Variants in CADM2 observed in about 807,000 individuals in gnomAD.
CADM2 encodes the protein cell adhesion molecule 2.
CADM2 carries 12 observed loss-of-function variants against 49.8 expected under a neutral mutation model. The ratio of observed to expected loss-of-function variants is 0.24; its 90% CI spans 0.15 to 0.39. CADM2 has a LOEUF of 0.39. Ranked by LOEUF, CADM2 falls within the 10% of genes least tolerant of loss-of-function variation. CADM2 has a pLI of 1.00. For synonymous variants in CADM2, 214 were observed against 175.4 expected (o/e 1.22, Z -1.74); for missense variants, 378 against 492.3 (o/e 0.77, Z 2.20).
chr3:85,150,717 A>G (rs1272733409), intron 1 of CADM2, among the ~76,000 whole-genome samples: 2 of 151,654 alleles, frequency 1.3e-5, no homozygotes, highest in Admixed American at 1.3e-4. Context: ...AGCCTGGCCA[A>G]CATAGTGAAA....
chr3:86,007,965 G>GA lies in CADM2; in HGVS notation c.970+46322dup, dbSNP rs1221397797. Among the ~76,000 whole-genome samples the GA allele has an allele frequency of 3.5e-4, 53 of 152,224 alleles. 1 individual carries two copies. Among genetic ancestry groups the GA allele is most frequent in the Admixed American group, 3.5e-3 (53 of 15,286 alleles). On this transcript the variant is annotated intron_variant, in intron 8 of 9. Transcript: ENST00000383699. ...AAACAGATCAAAATACAGCTAAGAG[G>GA]AAAATTTTTTAAGTATAGCTTAGAA... is the stretch of plus-strand genomic sequence containing the variant.
chr3:85,683,265 T>C (rs563684559), intron 1 of CADM2, among the ~76,000 whole-genome samples: 37 of 152,240 alleles, frequency 2.4e-4, no homozygotes, highest in African/African-American at 8.9e-4. Context: ...AATAGTTCAC[T>C]ATTCTGTCTA....
At chr3:85,732,860 A>G (rs2067988427) in intron 2 of CADM2, among the ~76,000 whole-genome samples, 2 of 152,240 alleles carry the variant, frequency 1.3e-5, no homozygotes, top group African/African-American at 4.8e-5. Context: ...TAAGCCAGAC[A>G]TATTAACTCC....
chr3:85,401,634 G>T (rs1032852373), intron 1 of CADM2, among the ~76,000 whole-genome samples: 1 of 152,104 alleles, frequency 6.6e-6, no homozygotes, highest in East Asian at 1.9e-4. Flanking sequence ...AGTTTCAATC[G>T]ATTTTCCCTC....
At chr3:85,716,005 C>A (rs927906277) in intron 1 of CADM2, among the ~76,000 whole-genome samples, 2 of 152,110 alleles carry the variant, frequency 1.3e-5, no homozygotes, top group Non-Finnish European at 2.9e-5. Flanking sequence ...ATTTATAATC[C>A]TTTGGGTATA....
intron 2 of CADM2, among the ~76,000 whole-genome samples, chr3:85,732,112 A>AT (rs1258473239): frequency 6.6e-6 from 1 of 150,718 alleles, no homozygotes; most frequent in Non-Finnish European, 1.5e-5. Context: ...AAAAAAAAAA[A>AT]AAATTGCTGA....
intron 1 of CADM2, among the ~76,000 whole-genome samples, chr3:85,359,645 TATATATATATA>T (rs2032164264): frequency 7.9e-5 from 1 of 12,642 alleles, no homozygotes; most frequent in Non-Finnish European, 5.3e-4. Flanking sequence ...AGCATATATA[TATATATATATA>T]TATATATATA....
intron 8 of CADM2, among the ~76,000 whole-genome samples, chr3:86,037,974 T>G (rs2107207878): frequency 6.6e-6 from 1 of 152,256 alleles, no homozygotes; most frequent in African/African-American, 2.4e-5. Context: ...GTGCTAATGA[T>G]CTCCCTCCAT....
chr3:85,073,402 A>T (rs2036828977), intron 1 of CADM2, among the ~76,000 whole-genome samples: 1 of 152,174 alleles, frequency 6.6e-6, no homozygotes, highest in East Asian at 1.9e-4. Flanking sequence ...GCTACAATGT[A>T]CATACAGTAT....
chr3:85,214,214 G>T (rs1314753658), intron 1 of CADM2, among the ~76,000 whole-genome samples: 2 of 152,128 alleles, frequency 1.3e-5, no homozygotes, highest in African/African-American at 4.8e-5. Flanking sequence ...TGGTGGTCTT[G>T]GTGGTAAGAT....
intron 1 of CADM2, among the ~76,000 whole-genome samples, chr3:85,358,791 G>A (rs528903857): frequency 6.6e-6 from 1 of 152,174 alleles, no homozygotes; most frequent in East Asian, 1.9e-4. Flanking sequence ...TAATACATAC[G>A]TGGTTCAGAA....
intron 8 of CADM2, among the ~76,000 whole-genome samples, chr3:86,038,531 T>C (rs1735455083): frequency 6.6e-6 from 1 of 152,162 alleles, no homozygotes; most frequent in African/African-American, 2.4e-5. Context: ...TACTATAGCC[T>C]GACTTCAATA....
intron 1 of CADM2, among the ~76,000 whole-genome samples, chr3:85,277,361 C>G (rs576390191): frequency 4.2e-4 from 64 of 151,436 alleles, no homozygotes; most frequent in African/African-American, 1.5e-3. Context: ...ACGAGGCACA[C>G]CCAAGATTCA....
chr3:85,422,377 G>A (rs533532672), intron 1 of CADM2, among the ~76,000 whole-genome samples: 6 of 151,972 alleles, frequency 3.9e-5, no homozygotes, highest in African/African-American at 7.2e-5. Flanking sequence ...TCCCGGGTTC[G>A]CACCATTCTC....
intron 1 of CADM2, among the ~76,000 whole-genome samples, chr3:85,436,708 A>G (rs1015035634): frequency 2.0e-5 from 3 of 152,174 alleles, no homozygotes; most frequent in African/African-American, 7.2e-5. Flanking sequence ...TATTTTAGCA[A>G]TTTTAAGTTT....
At chr3:85,616,554 G>T (rs2063804486) in intron 1 of CADM2, among the ~76,000 whole-genome samples, 1 of 151,958 alleles carries the variant, frequency 6.6e-6, no homozygotes, top group Non-Finnish European at 1.5e-5. Flanking sequence ...TATTCTCCCT[G>T]CTCTATAGAT....
intron 8 of CADM2, among the ~76,000 whole-genome samples, chr3:85,987,242 T>A (rs1396594675): frequency 6.6e-6 from 1 of 152,082 alleles, no homozygotes; most frequent in Non-Finnish European, 1.5e-5. Flanking sequence ...TCTTCTATTT[T>A]CTAAGGGCAC....
intron 1 of CADM2, among the ~76,000 whole-genome samples, chr3:85,415,800 A>T (rs1366058923): frequency 6.6e-6 from 1 of 152,140 alleles, no homozygotes; most frequent in African/African-American, 2.4e-5. Flanking sequence ...CTGCAGTAGG[A>T]TCAAAGCTTG....
chr3:85,575,476 T>G (rs1345161730), intron 1 of CADM2, among the ~76,000 whole-genome samples: 1 of 152,088 alleles, frequency 6.6e-6, no homozygotes, highest in Non-Finnish European at 1.5e-5. Flanking sequence ...GCGTGAACCC[T>G]GGAGGCGAAG....
Sources: gnomAD v4.1 joint callset for allele counts (sites outside exome capture counted in the v4.1 genomes callset) on GRCh38, gnomAD v4.1.1 for gene constraint, MANE v1.5 for transcripts, NCBI Gene and HGNC (gene_info 2026-07-23, HGNC 2026-07-21) for gene names.